B3GALT1: variants seen among roughly 807,000 people sequenced by gnomAD.
The protein encoded by B3GALT1 is beta-1,3-galactosyltransferase 1.
In B3GALT1, 10 loss-of-function variants were observed where a neutral mutation model predicts 23.2. That is an observed-to-expected ratio of 0.43 (90% CI 0.27 to 0.73). The LOEUF (loss-of-function observed/expected upper bound fraction) is 0.73, where lower values mean the gene tolerates loss of function less well. B3GALT1 is among the 30% of genes least tolerant of loss of function. The pLI is 0.21. For synonymous variants in B3GALT1, 156 were observed against 141.5 expected (o/e 1.10, Z -0.73); for missense variants, 299 against 405.4 (o/e 0.74, Z 2.25).
At chr2:167,579,797 G>T (rs1300583864) in intron 2 of B3GALT1, among the ~76,000 whole-genome samples, 1 of 152,030 alleles carries the variant, frequency 6.6e-6, no homozygotes, top group Non-Finnish European at 1.5e-5. Context: ...AGAGAAGGCA[G>T]GGATTAGATT....
chr2:167,810,245 C>T (rs569066771), intron 3 of B3GALT1, among the ~76,000 whole-genome samples: 14 of 151,132 alleles, frequency 9.3e-5, no homozygotes, highest in Admixed American at 3.3e-4. Context: ...GGTGATGCCT[C>T]GCCCTGCTTC....
intron 3 of B3GALT1, among the ~76,000 whole-genome samples, chr2:167,723,173 AAG>A (rs371957945): frequency 8.3e-4 from 127 of 152,336 alleles, no homozygotes; most frequent in African/African-American, 3.0e-3. Context: ...GACAAACAAA[AAG>A]AAATAAAGCA....
intron 3 of B3GALT1, among the ~76,000 whole-genome samples, chr2:167,752,408 G>A (rs1051276611): frequency 3.3e-5 from 5 of 152,022 alleles, no homozygotes; most frequent in Admixed American, 1.3e-4. Flanking sequence ...TATAAAGGCC[G>A]TGTAAATGTA....
At chr2:167,704,024 A>G (rs1038014279) in intron 3 of B3GALT1, among the ~76,000 whole-genome samples, 3 of 151,990 alleles carry the variant, frequency 2.0e-5, no homozygotes, top group African/African-American at 7.2e-5. Flanking sequence ...TACTAAAAAT[A>G]CAAAAAATTA....
chr2:167,479,669 T>C (rs1699534351), intron 1 of B3GALT1, among the ~76,000 whole-genome samples: 1 of 152,128 alleles, frequency 6.6e-6, no homozygotes. Flanking sequence ...CTCAAAGTGA[T>C]CCTCTTTGGG....
chr2:167,630,135 A>G (rs1003831884), intron 2 of B3GALT1, among the ~76,000 whole-genome samples: 11 of 151,790 alleles, frequency 7.2e-5, no homozygotes, highest in Non-Finnish European at 1.5e-4. Flanking sequence ...TAGTATAATT[A>G]GCATCTCTGG....
At chr2:167,431,990 A>G (rs935751873) in intron 1 of B3GALT1, among the ~76,000 whole-genome samples, 2 of 152,166 alleles carry the variant, frequency 1.3e-5, no homozygotes, top group African/African-American at 4.8e-5. Context: ...CAAAGAATTT[A>G]CTCTTAAATC....
intron 1 of B3GALT1, among the ~76,000 whole-genome samples, chr2:167,323,040 T>C (rs868626326): frequency 6.6e-6 from 1 of 152,106 alleles, no homozygotes; most frequent in Admixed American, 6.5e-5. Context: ...ACAATGCCTC[T>C]ATTTTCCATT....
At chr2:167,508,723 C>T (rs1699960487) in intron 2 of B3GALT1, among the ~76,000 whole-genome samples, 4 of 151,502 alleles carry the variant, frequency 2.6e-5, no homozygotes, top group Admixed American at 2.6e-4. Context: ...GAAGTTATTA[C>T]ACAATTGGGA....
chr2:167,727,104 C>CTT (rs760546847), intron 3 of B3GALT1, among the ~76,000 whole-genome samples: 1 of 97,046 alleles, frequency 1.0e-5, no homozygotes, highest in African/African-American at 4.6e-5. Flanking sequence ...GGCATCTTTA[C>CTT]TTTTTTTTTT....
chr2:167,832,426 C>A (rs559275589), intron 4 of B3GALT1, among the ~76,000 whole-genome samples: 72 of 152,278 alleles, frequency 4.7e-4, no homozygotes, highest in South Asian at 1.4e-3. Flanking sequence ...AATCCCCCAG[C>A]AAAATGACAC....
intron 1 of B3GALT1, among the ~76,000 whole-genome samples, chr2:167,409,487 T>C (rs1698359136): frequency 6.6e-6 from 1 of 151,996 alleles, no homozygotes. Flanking sequence ...CTTCGCACCA[T>C]ATTTCAGTAA....
At chr2:167,356,846 T>A (rs1574046695) in intron 1 of B3GALT1, among the ~76,000 whole-genome samples, 1 of 151,986 alleles carries the variant, frequency 6.6e-6, no homozygotes, top group Non-Finnish European at 1.5e-5. Flanking sequence ...AAATAATAAT[T>A]GAGTCAAGCG....
At chr2:167,352,199 C>T (rs2105256281) in intron 1 of B3GALT1, among the ~76,000 whole-genome samples, 1 of 149,038 alleles carries the variant, frequency 6.7e-6, no homozygotes, top group African/African-American at 2.5e-5. Context: ...GATCTCCTGA[C>T]CTCGTGATCC....
intron 2 of B3GALT1, among the ~76,000 whole-genome samples, chr2:167,628,648 C>T (rs1685387687): frequency 2.0e-5 from 3 of 151,692 alleles, no homozygotes; most frequent in Admixed American, 2.0e-4. Flanking sequence ...TGAGACTTCA[C>T]TCAAATTCTC....
chr2:167,547,026 G>A (rs957310885), intron 2 of B3GALT1, among the ~76,000 whole-genome samples: 2 of 152,104 alleles, frequency 1.3e-5, no homozygotes, highest in African/African-American at 2.4e-5. Context: ...GGGCACCCAG[G>A]CTGCTGGAAA....
rs117333751 is a variant in B3GALT1 at position 167,313,578 on chromosome 2, A to G, written c.-511+20244A>G. On this transcript the variant is annotated intron_variant, in intron 1 of 4. Transcript: ENST00000392690. ...AGAGGTCAGATAAAGTGTCCCTCCA[A>G]TACAGATCATCCCATTCGTTTCTTG... is the stretch of plus-strand genomic sequence containing the variant. Among the ~76,000 whole-genome samples, 651 of 152,226 alleles carry G rather than the reference A, an allele frequency of 4.3e-3. 27 individuals are homozygous for G. The East Asian group carries it at 0.085, about 20-fold the overall frequency.
intron 1 of B3GALT1, among the ~76,000 whole-genome samples, chr2:167,410,647 C>A (rs1369520226): frequency 3.3e-5 from 5 of 151,952 alleles, no homozygotes; most frequent in Admixed American, 6.6e-5. Flanking sequence ...GGCTTAAAAC[C>A]TAGATGATGG....
chr2:167,746,847 T>C (rs1239493079), intron 3 of B3GALT1, among the ~76,000 whole-genome samples: 3 of 152,232 alleles, frequency 2.0e-5, no homozygotes, highest in Non-Finnish European at 4.4e-5. Context: ...TGTTTTTTCA[T>C]TTTATAGAAA....
Sources: gnomAD v4.1 joint callset for allele counts (sites outside exome capture counted in the v4.1 genomes callset) on GRCh38, gnomAD v4.1.1 for gene constraint, MANE v1.5 for transcripts, NCBI Gene and HGNC (gene_info 2026-07-23, HGNC 2026-07-21) for gene names.